The following EVPL variants were observed in gnomAD, a reference collection of about 807,000 sequenced individuals.
EVPL encodes 210 kDa cornified envelope precursor protein.
Under a neutral mutation model 129.7 loss-of-function variants are expected in EVPL, and 94 were observed. That is an observed-to-expected ratio of 0.72 (90% CI 0.61 to 0.86). EVPL has a LOEUF of 0.86. Ranked by LOEUF, EVPL falls within the 40% of genes least tolerant of loss-of-function variation. The pLI is 0.00. For synonymous variants in EVPL, 1,172 were observed against 1,191.1 expected, an observed-to-expected ratio of 0.98 and a Z score of 0.33; for missense variants, 2,625 against 2,721.1, an observed-to-expected ratio of 0.96 and a Z score of 0.79.
intron 18 of EVPL, among the ~76,000 whole-genome samples, chr17:76,012,952 G>A (rs576298610): frequency 2.3e-4 from 35 of 151,846 alleles, no homozygotes; most frequent in South Asian, 1.7e-3. Context: ...CACCGTGTTA[G>A]CCAGGATGGT....
chr17:76,012,006 C>T lies in EVPL; in HGVS notation c.2457G>A (p.Gln819=), dbSNP rs1196480889. ...HLSQALQAAL[Q]DYELQADTYR... is the part of the protein sequence containing the mutation. ...GGCAAGCTGAAGGCAAGCTGCTTAC[C>T]TGGAGCGCTGCCTGCAGGGCCTGGG... The change falls in exon 19 of 22, where the codon CAG becomes CAA. Residue 819 remains glutamine, a splice_region_variant and synonymous_variant. Coordinates refer to ENST00000301607, the MANE Select transcript of EVPL (RefSeq NM_001988.4). 5 of 1,612,692 alleles carry T rather than the reference C, an allele frequency of 3.1e-6. No homozygotes were observed. Among genetic ancestry groups the T allele is most frequent in the Non-Finnish European group, 4.2e-6 (5 of 1,179,470 alleles).
chr17:76,023,231 G>C lies in EVPL; in HGVS notation c.480+61C>G, dbSNP rs1263309254. The stretch of plus-strand genomic sequence containing the variant: ...TATTCAAGCCTGCAGTCAGGCCCTG[G>C]ATTAAATGCAGTTCCGTATCGCCCT... On this transcript the variant is annotated intron_variant, in intron 4 of 21. Coordinates refer to ENST00000301607, the MANE Select transcript of EVPL (RefSeq NM_001988.4). 17 of 1,602,096 alleles carry C rather than the reference G, an allele frequency of 1.1e-5. 1 individual carries two copies. In the South Asian group the frequency reaches 1.9e-4, roughly 18 times the overall value.
At chr17:76,019,381 C>T in intron 10 of EVPL, 147 bp downstream of exon 10, 1 of 1,078,228 alleles carries the variant, frequency 9.3e-7, no homozygotes, top group Non-Finnish European at 1.3e-6. Flanking sequence ...CCTGGCCAGC[C>T]TCCTGCTAGA....
In EVPL at chr17:76,019,068, G is replaced by T; in HGVS notation, c.1138-8C>A. On this transcript the variant is annotated splice_region_variant and splice_polypyrimidine_tract_variant and intron_variant, in intron 10 of 21. Coordinates refer to ENST00000301607, the MANE Select transcript of EVPL (RefSeq NM_001988.4). ...CAGCCGTTTTTCCTCTGCCTGCCGGGGGCCCAGGCAGTGGGGGACTCAGGC... is the reference window on the plus strand; with the variant it reads ...CAGCCGTTTTTCCTCTGCCTGCCGGTGGCCCAGGCAGTGGGGGACTCAGGC... The T allele has an allele frequency of 6.4e-7, 1 of 1,573,634 alleles. No homozygotes were observed.
At position 76,022,152 on chromosome 17, in the gene EVPL, C is replaced by T; in HGVS notation, c.645+37G>A. ...GGGTCCGGGCGGCCACCCAGGCCCA[C>T]CCGCAGCCTCCCTGCCCGACCCTCC... On this transcript the variant is annotated intron_variant, in intron 6 of 21. Transcript: ENST00000301607. This position sits in a 1 kb window ranked among gnomAD's most constrained non-coding sequence, Gnocchi z 5.6. 1.2e-6 allele frequency: 2 copies of T among 1,609,224 alleles called. No individual in the cohort carries two copies. The highest frequency in any genetic ancestry group is 1.7e-6 in the Non-Finnish European group (2 of 1,178,620).
In EVPL at chr17:76,021,658, C is replaced by G. The variant is rs777849195; in HGVS notation, c.915+16G>C. 1.9e-6 allele frequency: 3 copies of G among 1,587,858 alleles called. No homozygotes were observed. The highest frequency in any genetic ancestry group is 1.7e-6 in the Non-Finnish European group (2 of 1,167,888). ...CCCACCACGTCCCTTCTCACTCTCGCCCTGCCCCAGCGCACCTGGATGGGC... is the reference window on the plus strand; with the variant it reads ...CCCACCACGTCCCTTCTCACTCTCGGCCTGCCCCAGCGCACCTGGATGGGC... On this transcript the variant is annotated intron_variant, in intron 8 of 21. Transcript: ENST00000301607.
intron 1 of EVPL, among the ~76,000 whole-genome samples, 190 bp downstream of exon 1, chr17:76,026,911 G>A (rs531131273): frequency 6.6e-6 from 1 of 152,266 alleles, no homozygotes; most frequent in African/African-American, 2.4e-5. Context: ...GCTGAAGTTC[G>A]GCCTGGGCCT....
chr17:76,012,161 TC>T, intron 18 of EVPL, 72 bp from the exon 19 acceptor site: 1 of 1,193,806 alleles, frequency 8.4e-7, no homozygotes, highest in Non-Finnish European at 1.2e-6. Context: ...AGCCAGTGCC[TC>T]CAGGGCCACA....
rs772195260 is a variant in EVPL, at chr17:76,012,109, A to G, written c.2374-20T>C. On this transcript the variant is annotated intron_variant, in intron 18 of 21. Transcript: ENST00000301607. Reference sequence around the variant, plus strand: ...CAGCCTCTGCCAGGGAAGAACCCAGAGTCAGGAGGCCAGGAAATGCCAATC... The same window carrying G: ...CAGCCTCTGCCAGGGAAGAACCCAGGGTCAGGAGGCCAGGAAATGCCAATC... The G allele has an allele frequency of 1.9e-6, 3 of 1,596,676 alleles. No individual in the cohort carries two copies. The highest frequency in any genetic ancestry group is 2.6e-6 in the Non-Finnish European group (3 of 1,171,706).
rs1003278829 is a variant in EVPL at position 76,009,349 on chromosome 17, G to A, written c.3856C>T (p.Arg1286Cys). Residue 1286 changes from arginine (R) to cysteine (C), a missense_variant, in exon 22 of 22, where the codon CGC becomes TGC. By Grantham distance (180) the Arg-to-Cys change is radical. This residue lies in a region of EVPL where 1,453 missense variants were observed against 1,511.8 expected (regional missense o/e 0.96). Coordinates refer to ENST00000301607, the MANE Select transcript of EVPL (RefSeq NM_001988.4). The surrounding 1 kb of genome is among the most constrained non-coding windows in gnomAD (Gnocchi z 5.9). ...AGGCGGATGAGCTGCTCCTGGGAGC[G>A]CCCGTGGCTGTTGACGAGCTCGTTG... The part of the protein sequence containing the change: ...QLNELVNSHG[R>C]SQEQLIRLQG... The A allele has an allele frequency of 3.7e-6, 6 of 1,612,838 alleles. No individual in the cohort carries two copies. The highest frequency in any genetic ancestry group is 1.1e-5 in the South Asian group (1 of 91,082).
intron 9 of EVPL, among the ~76,000 whole-genome samples, chr17:76,020,490 C>G (rs147252844): frequency 2.1e-4 from 32 of 152,248 alleles, no homozygotes; most frequent in Middle Eastern, 3.4e-3. Context: ...AAGAAGCATT[C>G]CAGGTGCTTT....
chr17:76,015,094 G>A lies in EVPL; in HGVS notation c.2044C>T (p.Leu682=). The A allele has an allele frequency of 6.4e-7, 1 of 1,574,298 alleles. No individual in the cohort carries two copies. Among genetic ancestry groups the A allele is most frequent in the Non-Finnish European group, 8.6e-7 (1 of 1,160,186 alleles). Reference sequence around the variant, plus strand: ...AGCACGCAGGTCTGCTGTTCCAGCAGCTCCCTCCGCTGGCGCTGCAGGAGG... The same window carrying A: ...AGCACGCAGGTCTGCTGTTCCAGCAACTCCCTCCGCTGGCGCTGCAGGAGG... ...VSELQRQRRE[L]LEQQTCVLRL... is the part of the protein sequence containing the mutation. The change falls in exon 17 of 22, where the codon CTG becomes TTG. Residue 682 remains leucine (L), a synonymous_variant. Coordinates refer to ENST00000301607, the MANE Select transcript of EVPL (RefSeq NM_001988.4).
At chr17:76,017,490 G>A (rs1328233437) in intron 14 of EVPL, among the ~76,000 whole-genome samples, 2 of 152,170 alleles carry the variant, frequency 1.3e-5, no homozygotes, top group African/African-American at 4.8e-5. Flanking sequence ...GATCAGGCGA[G>A]CTGGGCATTA....
At chr17:76,023,199 C>T (rs1411492131) in intron 4 of EVPL, 93 bp downstream of exon 4, 1 of 1,571,474 alleles carries the variant, frequency 6.4e-7, no homozygotes, top group East Asian at 2.2e-5. Context: ...CACCCCTACA[C>T]CCTGACTATT....
rs554283625 is a variant in EVPL at position 76,009,478 on chromosome 17, C to T, written c.3727G>A (p.Ala1243Thr). 13 of 1,614,152 alleles carry T rather than the reference C, an allele frequency of 8.1e-6. No homozygotes were observed. In the African/African-American group the frequency reaches 1.3e-4, roughly 17 times the overall value. The change falls in exon 22 of 22, where the codon GCC becomes ACC. Residue 1243 changes from alanine to threonine, a missense_variant. Ala to Thr is a moderately conservative substitution (Grantham distance 58). Coordinates refer to ENST00000301607, the MANE Select transcript of EVPL (RefSeq NM_001988.4). This position sits in a 1 kb window ranked among gnomAD's most constrained non-coding sequence, Gnocchi z 5.9. ...KLLPDLEVLR[A>T]QKPTVEYKEV... Reference sequence around the variant, plus strand: ...TTGTACTCCACCGTGGGCTTCTGGGCCCGCAGGACCTCCAGGTCGGGCAGC... The same window carrying T: ...TTGTACTCCACCGTGGGCTTCTGGGTCCGCAGGACCTCCAGGTCGGGCAGC...
In EVPL at chr17:76,018,061, C is replaced by A. The variant is rs545534337; in HGVS notation, c.1537+100G>T. Reference sequence around the variant, plus strand: ...GAGATGAAATCCCCAGAGTGATGGTCCCTAACCCAAGGCGACCCCTGCCCA... The same window carrying A: ...GAGATGAAATCCCCAGAGTGATGGTACCTAACCCAAGGCGACCCCTGCCCA... On this transcript the variant is annotated intron_variant, in intron 13 of 21. Transcript: ENST00000301607. 18 of 1,532,946 alleles carry A rather than the reference C, an allele frequency of 1.2e-5. No individual in the cohort carries two copies. In the South Asian group the frequency reaches 2.1e-4, roughly 18 times the overall value. The allele number at this position is 1,532,946 out of a possible 1,614,324, so 95.0% of individuals were successfully genotyped here.
At chr17:76,019,730 A>C in intron 9 of EVPL, 77 bp from the exon 10 acceptor site, 1 of 1,525,352 alleles carries the variant, frequency 6.6e-7, no homozygotes, top group Non-Finnish European at 8.7e-7. Context: ...GCTGAACCTA[A>C]GCCAGCTAAA....
chr17:76,015,123 G>C lies in EVPL; in HGVS notation c.2029-14C>G. On this transcript the variant is annotated splice_polypyrimidine_tract_variant and intron_variant, in intron 16 of 21. Transcript: ENST00000301607. ...CCTCCGCTGGCGCTGCAGGAGGAGG[G>C]GACGCAGCCGTGCACCCTCGTGGCT... is the stretch of plus-strand genomic sequence containing the variant. The C allele has an allele frequency of 1.3e-6, 2 of 1,570,008 alleles. No homozygotes were observed. The highest frequency in any genetic ancestry group is 1.7e-6 in the Non-Finnish European group (2 of 1,157,212).
chr17:76,014,646 G>A, intron 17 of EVPL, 70 bp from the exon 18 acceptor site: 1 of 1,564,318 alleles, frequency 6.4e-7, no homozygotes, highest in Non-Finnish European at 8.6e-7. Context: ...TGCACAGGGA[G>A]GCTGATGGGA....
Sources: gnomAD v4.1 joint callset for allele counts (sites outside exome capture counted in the v4.1 genomes callset) on GRCh38, gnomAD v4.1.1 for gene constraint, gnomAD v4.1.1 regional missense constraint, Gnocchi (gnomAD v3.1) non-coding constraint, MANE v1.5 for transcripts, NCBI Gene and HGNC (gene_info 2026-07-23, HGNC 2026-07-21) for gene names.